BICC1: variants seen among roughly 807,000 people sequenced by gnomAD.
The protein encoded by BICC1 is BicC family RNA binding protein 1.
In BICC1, 43 loss-of-function variants were observed where a neutral mutation model predicts 111.0. The ratio of observed to expected loss-of-function variants is 0.39; its 90% confidence interval spans 0.30 to 0.50. The LOEUF (loss-of-function observed/expected upper bound fraction) is 0.50, where lower values mean the gene tolerates loss of function less well. Among genes scored for constraint, BICC1 ranks in the 20% least tolerant of loss-of-function variants. The pLI is 0.88. For synonymous variants in BICC1, 467 were observed against 434.4 expected, an observed-to-expected ratio of 1.07 and a Z score of -0.93; for missense variants, 1,091 against 1,203.2, an observed-to-expected ratio of 0.91 and a Z score of 1.38.
rs1842145405 is a variant in BICC1, at chr10:58,513,279, T to A, written c.136T>A (p.Trp46Arg). 6.2e-7 allele frequency: 1 copy of A among 1,612,462 alleles called. No homozygotes were observed. The part of the protein sequence containing the change: ...VAGATLHSPE[W>R]SEERFRVDRK... The stretch of plus-strand genomic sequence containing the variant: ...CGGGGCGACCCTGCACAGCCCGGAG[T>A]GGAGCGAGGAGCGCTTCCGCGTGGA... Residue 46 changes from tryptophan to arginine, a missense_variant, in exon 1 of 21, where the codon TGG becomes AGG. By Grantham distance (101) the Trp-to-Arg change is moderately radical. Coordinates refer to ENST00000373886, the MANE Select transcript of BICC1 (RefSeq NM_001080512.3).
At chr10:58,555,872 G>T (rs1357590692) in intron 1 of BICC1, among the ~76,000 whole-genome samples, 1 of 152,110 alleles carries the variant, frequency 6.6e-6, no homozygotes, top group Admixed American at 6.6e-5. Context: ...TCTGTGTGTG[G>T]TATTGGTTCT....
intron 3 of BICC1, among the ~76,000 whole-genome samples, chr10:58,747,166 T>G (rs1841858697): frequency 6.6e-6 from 1 of 152,174 alleles, no homozygotes; most frequent in Admixed American, 6.6e-5. Context: ...TTGTTTGTTA[T>G]TAAAGCCTTT....
At chr10:58,785,525 A>G (rs1346433642) in intron 4 of BICC1, among the ~76,000 whole-genome samples, 1 of 151,920 alleles carries the variant, frequency 6.6e-6, no homozygotes, top group African/African-American at 2.4e-5. Context: ...ATGGCATGAA[A>G]TTTGTTGCTT....
intron 2 of BICC1, among the ~76,000 whole-genome samples, chr10:58,648,104 G>A (rs1838324012): frequency 6.6e-6 from 1 of 151,900 alleles, no homozygotes; most frequent in East Asian, 1.9e-4. Flanking sequence ...ACAATCAACT[G>A]CATTTAAAAA....
At chr10:58,804,379 C>T (rs1204958591) in intron 15 of BICC1, among the ~76,000 whole-genome samples, 5 of 151,962 alleles carry the variant, frequency 3.3e-5, no homozygotes, top group South Asian at 2.1e-4. Context: ...ATTAGCAGGG[C>T]GTGGTGGCAT....
At chr10:58,628,652 A>G (rs191964406) in intron 2 of BICC1, among the ~76,000 whole-genome samples, 31 of 152,276 alleles carry the variant, frequency 2.0e-4, no homozygotes, top group African/African-American at 7.2e-4. Flanking sequence ...ATATCTGGGT[A>G]TAGTGTTTTG....
intron 1 of BICC1, among the ~76,000 whole-genome samples, chr10:58,610,243 A>G (rs1191435549): frequency 6.6e-6 from 1 of 152,182 alleles, no homozygotes; most frequent in Non-Finnish European, 1.5e-5. Context: ...AAAATCCCCT[A>G]GATGAGAGAA....
At chr10:58,807,301 CTG>C in intron 17 of BICC1, 143 bp downstream of exon 17, 1 of 736,154 alleles carries the variant, frequency 1.4e-6, no homozygotes. Context: ...TGTAAACACA[CTG>C]TTATAAAACT....
intron 17 of BICC1, 48 bp from the exon 18 acceptor site, chr10:58,813,769 CTCCCACCCTGAAA>C: frequency 1.9e-6 from 3 of 1,539,562 alleles, no homozygotes; most frequent in South Asian, 2.4e-5. Context: ...TTCTTTTCTC[CTCCCACCCTGAAA>C]AACCCACCTG....
intron 1 of BICC1, among the ~76,000 whole-genome samples, chr10:58,577,554 A>C (rs1180127396): frequency 1.3e-5 from 2 of 152,224 alleles, no homozygotes; most frequent in African/African-American, 4.8e-5. Context: ...GAGAGAGGCC[A>C]AAAGGGACTT....
At chr10:58,630,095 A>G (rs978715514) in intron 2 of BICC1, among the ~76,000 whole-genome samples, 4 of 152,126 alleles carry the variant, frequency 2.6e-5, no homozygotes, top group African/African-American at 9.7e-5. Flanking sequence ...CCTTCTCTAT[A>G]CAGTGTACGT....
At chr10:58,789,991 G>A in intron 8 of BICC1, 58 bp downstream of exon 8, 1 of 1,572,518 alleles carries the variant, frequency 6.4e-7, no homozygotes, top group South Asian at 1.2e-5. Context: ...TTCAGTGCAT[G>A]TTTTTCCATC....
chr10:58,782,640 T>A (rs1842911545), intron 3 of BICC1, among the ~76,000 whole-genome samples: 1 of 152,084 alleles, frequency 6.6e-6, no homozygotes, highest in African/African-American at 2.4e-5. Context: ...TTAAGGATAG[T>A]TGAGAGTGAA....
intron 2 of BICC1, among the ~76,000 whole-genome samples, chr10:58,690,202 G>C (rs757220298): frequency 2.0e-5 from 3 of 152,268 alleles, no homozygotes; most frequent in Admixed American, 6.5e-5. Flanking sequence ...AGAGGCAGTC[G>C]TGCCCACCAA....
chr10:58,810,239 CCT>C (rs1202344927), intron 17 of BICC1, among the ~76,000 whole-genome samples: 1 of 152,152 alleles, frequency 6.6e-6, no homozygotes, highest in Admixed American at 6.5e-5. Context: ...GTGCAGGGCC[CCT>C]GACACCATGG....
chr10:58,565,809 A>AT (rs925041383), intron 1 of BICC1, among the ~76,000 whole-genome samples: 2 of 152,054 alleles, frequency 1.3e-5, no homozygotes, highest in East Asian at 1.9e-4. Flanking sequence ...AGGTCAATAT[A>AT]TTTTTTAAAA....
chr10:58,830,250 A>G lies in BICC1; in HGVS notation c.*1359A>G, dbSNP rs972997329. The G allele has an allele frequency of 6.6e-5, 10 of 152,196 alleles. No homozygotes were observed. Among genetic ancestry groups the G allele is most frequent in the African/African-American group, 2.2e-4 (9 of 41,464 alleles). 9.4% of individuals were successfully genotyped at this position (152,196 alleles called of 1,614,324 possible). The stretch of plus-strand genomic sequence containing the variant: ...GCAACATTGTTTCCTGGGTCTTTTC[A>G]GAGATCTTATAGATTTATGAAGTGT... On this transcript the variant is annotated 3_prime_UTR_variant, in exon 21 of 21. Transcript: ENST00000373886.
chr10:58,754,587 C>T (rs1842086717), intron 3 of BICC1, among the ~76,000 whole-genome samples: 1 of 152,198 alleles, frequency 6.6e-6, no homozygotes. Flanking sequence ...GGTTGGCAAC[C>T]TTTGCTCAGT....
At chr10:58,686,641 T>C (rs1470751852) in intron 2 of BICC1, among the ~76,000 whole-genome samples, 1 of 152,176 alleles carries the variant, frequency 6.6e-6, no homozygotes, top group African/African-American at 2.4e-5. Context: ...TTATACCCTT[T>C]CTTACCCTTG....
Sources: allele counts gnomAD v4.1 joint callset (sites outside exome capture counted in the v4.1 genomes callset), GRCh38; gene constraint gnomAD v4.1.1; transcripts MANE v1.5; gene names NCBI Gene and HGNC (gene_info 2026-07-23, HGNC 2026-07-21).